SNRPN: variants seen among roughly 807,000 people sequenced by gnomAD.
The protein encoded by SNRPN is small nuclear ribonucleoprotein polypeptide N.
In SNRPN, 7 loss-of-function variants were observed where a neutral mutation model predicts 25.2. The observed-to-expected ratio is 0.28, with a 90% confidence interval of 0.16 to 0.52. The LOEUF is 0.52. Among genes scored for constraint, SNRPN ranks in the 20% least tolerant of loss-of-function variants. The pLI is 0.96. For synonymous variants in SNRPN, 124 were observed against 110.6 expected, an observed-to-expected ratio of 1.12 and a Z score of -0.76; for missense variants, 196 against 322.5, an observed-to-expected ratio of 0.61 and a Z score of 3.00.
rs918121361 is a variant in SNRPN, at chr15:24,827,560, C to T, written c.-686-2238C>T. The stretch of plus-strand genomic sequence containing the variant: ...AGAAACACTGTATGCTTACGCTATA[C>T]TAAATTTATTTTAAAAACCTGAAGT... On this transcript the variant is annotated intron_variant, in intron 1 of 12. Coordinates refer to the SNRPN transcript ENST00000400100. Among the ~76,000 whole-genome samples the T allele has an allele frequency of 1.9e-4, 27 of 142,446 alleles. 2 individuals carry two copies. Among genetic ancestry groups the T allele is most frequent in the African/African-American group, 7.0e-4 (27 of 38,498 alleles). The allele number at this position is 142,446 out of a possible 152,430, so 93.5% of individuals were successfully genotyped here. A position where few individuals can be genotyped will look rare whatever the true frequency, so the allele number is the denominator to read the frequency against.
intron 2 of SNRPN, among the ~76,000 whole-genome samples, chr15:24,895,857 T>C (rs540456882): frequency 2.6e-5 from 4 of 152,288 alleles, no homozygotes; most frequent in African/African-American, 9.6e-5. Context: ...AGACAGACTC[T>C]ATGTTTGCAG....
chr15:24,966,429 G>A (rs896073257), intron 2 of SNRPN, among the ~76,000 whole-genome samples: 3 of 152,150 alleles, frequency 2.0e-5, no homozygotes, highest in East Asian at 3.9e-4. Context: ...TCCAGATGTC[G>A]ATGATTTTTG....
intron 1 of SNRPN, among the ~76,000 whole-genome samples, chr15:24,870,717 C>T (rs1214168468): frequency 6.6e-6 from 1 of 151,940 alleles, no homozygotes; most frequent in Admixed American, 6.6e-5. Flanking sequence ...CCCCGCCTCC[C>T]AGCTTCCTTT....
At chr15:24,871,676 C>T (rs1466995408) in intron 1 of SNRPN, among the ~76,000 whole-genome samples, 1 of 151,676 alleles carries the variant, frequency 6.6e-6, no homozygotes, top group Non-Finnish European at 1.5e-5. Flanking sequence ...GAACAGTAGA[C>T]CCTCATTACC....
rs879112086 is a variant in SNRPN at position 24,909,548 on chromosome 15, G to A, written c.-504-10463G>A. On this transcript the variant is annotated intron_variant, in intron 2 of 11. Coordinates refer to the SNRPN transcript ENST00000400097. ...ACAATATGCTGCAGCATAATTTGTC[G>A]GGCCAACCTTCACACCATATTTTGG... 109 of 1,442,358 alleles carry A rather than the reference G, an allele frequency of 7.6e-5. 1 individual carries two copies. The highest frequency in any genetic ancestry group is 2.4e-4 in the Middle Eastern group (1 of 4,146). The allele number at this position is 1,442,358 out of a possible 1,614,324, so 89.3% of individuals were successfully genotyped here.
At chr15:24,835,519 C>T (rs550260542) in intron 2 of SNRPN, among the ~76,000 whole-genome samples, 1 of 152,186 alleles carries the variant, frequency 6.6e-6, no homozygotes, top group East Asian at 1.9e-4. Flanking sequence ...CTGGAACCTG[C>T]TTCCATAGGA....
intron 2 of SNRPN, among the ~76,000 whole-genome samples, chr15:24,966,284 G>GT (rs10588023): frequency 3.9e-5 from 6 of 151,906 alleles, no homozygotes; most frequent in South Asian, 2.1e-4. Context: ...ATACTTACTA[G>GT]TTTTTTTTAT....
intron 2 of SNRPN, among the ~76,000 whole-genome samples, chr15:24,891,439 T>G (rs2057662988): frequency 1.3e-5 from 2 of 151,892 alleles, no homozygotes; most frequent in South Asian, 2.1e-4. Context: ...CAGTAGAGTT[T>G]TTTTTTTCTT....
intron 3 of SNRPN, among the ~76,000 whole-genome samples, chr15:24,923,688 G>A (rs758136956): frequency 6.6e-6 from 1 of 151,984 alleles, no homozygotes; most frequent in African/African-American, 2.4e-5. Flanking sequence ...ACACAAAGTT[G>A]AGCAAAATAA....
chr15:24,892,062 A>G (rs907478410), intron 2 of SNRPN, among the ~76,000 whole-genome samples: 3 of 152,132 alleles, frequency 2.0e-5, no homozygotes, highest in Non-Finnish European at 4.4e-5. Flanking sequence ...TAAGATCTTC[A>G]TTTGCCCTGT....
intron 2 of SNRPN, 105 bp from the exon 3 acceptor site, chr15:24,967,827 A>G: frequency 1.1e-6 from 1 of 926,238 alleles, no homozygotes; most frequent in South Asian, 1.5e-5. Context: ...AAAAAAAAAA[A>G]AGGAATATCT....
chr15:24,955,019 G>C lies in SNRPN; in HGVS notation c.-434G>C, dbSNP rs199920294. 1.2e-3 allele frequency: 1,913 copies of C among 1,612,280 alleles called. 3 individuals are homozygous for C. Among genetic ancestry groups the C allele is most frequent in the Middle Eastern group, 1.8e-3 (9 of 5,054 alleles). ...GGAGCGGCCGCCGGAGATGCCTGACGCATCTGTCTGAGGAGCGGTCAGTGA... is the reference window on the plus strand; with the variant it reads ...GGAGCGGCCGCCGGAGATGCCTGACCCATCTGTCTGAGGAGCGGTCAGTGA... On this transcript the variant is annotated 5_prime_UTR_variant, in exon 1 of 10. Coordinates refer to ENST00000390687, the MANE Select transcript of SNRPN (RefSeq NM_003097.6).
chr15:24,827,078 A>G (rs1211834136), intron 1 of SNRPN, among the ~76,000 whole-genome samples: 1 of 152,030 alleles, frequency 6.6e-6, no homozygotes, highest in Non-Finnish European at 1.5e-5. Context: ...GATATAAAAC[A>G]TTTTTTAACT....
At chr15:24,883,898 C>T (rs367825438) in intron 1 of SNRPN, among the ~76,000 whole-genome samples, 5 of 150,358 alleles carry the variant, frequency 3.3e-5, no homozygotes, top group East Asian at 4.0e-4. Context: ...CTCAGCTACT[C>T]GGGAGGCTGA....
At chr15:24,974,647 G>A (rs2076855768) in intron 4 of SNRPN, 191 bp downstream of exon 4, 2 of 650,672 alleles carry the variant, frequency 3.1e-6, no homozygotes, top group South Asian at 1.9e-5. Context: ...TTCAGACGGG[G>A]TCTTGCTCTG....
chr15:24,851,231 A>G (rs1191297677), intron 2 of SNRPN: 1 of 152,252 alleles, frequency 6.6e-6, no homozygotes, highest in African/African-American at 2.4e-5. Flanking sequence ...TTTGGGGCTC[A>G]TAGGTGAACA....
intron 2 of SNRPN, among the ~76,000 whole-genome samples, chr15:24,964,401 T>C (rs1274297178): frequency 1.3e-5 from 2 of 152,184 alleles, no homozygotes; most frequent in Non-Finnish European, 2.9e-5. Context: ...CAAGTGATTC[T>C]CCTGCCTCAG....
rs544785270 is a variant in SNRPN, at chr15:24,969,113, AC to A, written c.-144+1033del. ...GAATCAGTTAGGCTTGTTTATGGCC[AC>A]CATTTTGAGTTATTAATTAATTTAT... is the stretch of plus-strand genomic sequence containing the variant. On this transcript the variant is annotated intron_variant, in intron 3 of 9. Transcript: ENST00000390687. 3.8e-3 allele frequency among the ~76,000 whole-genome samples: 579 copies of A among 152,004 alleles called. 2 individuals carry two copies. Among genetic ancestry groups the A allele is most frequent in the Non-Finnish European group, 5.0e-3 (342 of 67,970 alleles).
intron 2 of SNRPN, among the ~76,000 whole-genome samples, chr15:24,906,188 C>T (rs749668198): frequency 1.5e-4 from 23 of 152,098 alleles, no homozygotes; most frequent in Admixed American, 1.2e-3. Context: ...TTCAGTGACA[C>T]GATCCCAGGT....
Sources: gnomAD v4.1 joint callset for allele counts (sites outside exome capture counted in the v4.1 genomes callset) on GRCh38, gnomAD v4.1.1 for gene constraint, MANE v1.5 for transcripts, NCBI Gene and HGNC (gene_info 2026-07-23, HGNC 2026-07-21) for gene names.